SMIM14: variants seen among roughly 807,000 people sequenced by gnomAD.
SMIM14 encodes the protein small integral membrane protein 14.
In SMIM14, 5 loss-of-function variants were observed where a neutral mutation model predicts 12.6. The observed-to-expected ratio is 0.40, with a 90% CI of 0.21 to 0.83. The LOEUF (loss-of-function observed/expected upper bound fraction) is 0.83. Among genes scored for constraint, SMIM14 ranks in the 40% least tolerant of loss-of-function variants. The pLI is 0.37. For synonymous variants in SMIM14, 30 were observed against 40.1 expected (o/e 0.75, Z 0.95); for missense variants, 86 against 119.1 (o/e 0.72, Z 1.29).
At chr4:39,603,192 T>C (rs925151437) in intron 2 of SMIM14, among the ~76,000 whole-genome samples, 6 of 152,190 alleles carry the variant, frequency 3.9e-5, no homozygotes, top group South Asian at 4.1e-4. Flanking sequence ...ACTCAACCAG[T>C]ATAATGTGTA....
intron 2 of SMIM14, among the ~76,000 whole-genome samples, chr4:39,601,203 C>G (rs1714598557): frequency 6.6e-6 from 1 of 152,074 alleles, no homozygotes; most frequent in Non-Finnish European, 1.5e-5. Flanking sequence ...AACCACAGCC[C>G]AGCATATAAC....
intron 2 of SMIM14, among the ~76,000 whole-genome samples, chr4:39,602,115 G>A (rs1037186839): frequency 5.3e-5 from 8 of 151,434 alleles, no homozygotes; most frequent in African/African-American, 1.9e-4. Flanking sequence ...CAGGTGTGGT[G>A]GCTGGTGCCT....
At chr4:39,569,663 G>C (rs1712778445) in intron 3 of SMIM14, among the ~76,000 whole-genome samples, 1 of 152,074 alleles carries the variant, frequency 6.6e-6, no homozygotes, top group Admixed American at 6.6e-5. Context: ...CCTGAACCTG[G>C]GTGGCGGAGG....
intron 2 of SMIM14, chr4:39,593,075 C>T (rs1714185915): frequency 6.6e-6 from 1 of 151,720 alleles, no homozygotes; most frequent in African/African-American, 2.4e-5. Context: ...CATCCTGATA[C>T]CAAAGCCGGG....
chr4:39,609,388 G>T (rs992443016), intron 1 of SMIM14, among the ~76,000 whole-genome samples: 1 of 152,126 alleles, frequency 6.6e-6, no homozygotes, highest in African/African-American at 2.4e-5. Flanking sequence ...AAACTCATCC[G>T]GAGAGTCAGG....
chr4:39,612,547 C>A (rs974940007), intron 1 of SMIM14, among the ~76,000 whole-genome samples: 1 of 152,128 alleles, frequency 6.6e-6, no homozygotes, highest in Non-Finnish European at 1.5e-5. Context: ...GACGTGTATC[C>A]CCCCAGGCCA....
At chr4:39,572,041 C>T (rs1712917711) in intron 3 of SMIM14, among the ~76,000 whole-genome samples, 1 of 151,890 alleles carries the variant, frequency 6.6e-6, no homozygotes. Flanking sequence ...TGGACTCAAA[C>T]GATCCACCGG....
chr4:39,624,489 A>C (rs1421480040), intron 1 of SMIM14, among the ~76,000 whole-genome samples: 1 of 152,196 alleles, frequency 6.6e-6, no homozygotes, highest in Admixed American at 6.5e-5. Context: ...TACAAAGACA[A>C]CTTTAGAGCA....
At chr4:39,560,476 C>T (rs1712248104) in intron 3 of SMIM14, among the ~76,000 whole-genome samples, 1 of 151,960 alleles carries the variant, frequency 6.6e-6, no homozygotes, top group Non-Finnish European at 1.5e-5. Context: ...AATCAGCCAA[C>T]ATCAATAGTT....
At chr4:39,597,869 A>AG (rs1714438738) in intron 2 of SMIM14, among the ~76,000 whole-genome samples, 1 of 152,198 alleles carries the variant, frequency 6.6e-6, no homozygotes, top group African/African-American at 2.4e-5. Flanking sequence ...ATGAACAGTT[A>AG]GGGCATACAA....
Position 39,551,289 on chromosome 4 carries a change from A to G in SMIM14, c.*837T>C, listed in dbSNP as rs1456886470. ...GGCACTCATTTTAAAAATAAATTAT[A>G]GCTTAAATTATTACTATGTGGATTA... On this transcript the variant is annotated 3_prime_UTR_variant, in exon 5 of 5. Transcript: ENST00000295958. The G allele has an allele frequency of 6.6e-6, 1 of 152,582 alleles. No individual in the cohort carries two copies. The highest frequency in any genetic ancestry group is 1.5e-5 in the Non-Finnish European group (1 of 68,050). 9.5% of individuals were successfully genotyped at this position (152,582 alleles called of 1,614,324 possible).
intron 4 of SMIM14, among the ~76,000 whole-genome samples, chr4:39,552,755 C>T (rs918609977): frequency 2.0e-5 from 3 of 152,022 alleles, no homozygotes; most frequent in Admixed American, 6.6e-5. Flanking sequence ...ATTTTTTTGA[C>T]GTGTAAATCA....
chr4:39,563,551 C>T (rs771887839), intron 3 of SMIM14, among the ~76,000 whole-genome samples: 6 of 152,212 alleles, frequency 3.9e-5, no homozygotes, highest in Non-Finnish European at 8.8e-5. Context: ...CAGTTGAATG[C>T]GAACTTGTCT....
At chr4:39,632,783 A>T (rs1247729291) in intron 1 of SMIM14, among the ~76,000 whole-genome samples, 2 of 69,900 alleles carry the variant, frequency 2.9e-5, no homozygotes, top group African/African-American at 1.1e-4. Context: ...CGTCACACAC[A>T]CACACACACA....
At chr4:39,632,818 CACACACACAAAAGA>C (rs1008142849) in intron 1 of SMIM14, among the ~76,000 whole-genome samples, 5 of 132,890 alleles carry the variant, frequency 3.8e-5, no homozygotes, top group African/African-American at 1.4e-4. Flanking sequence ...CACACACACA[CACACACACAAAAGA>C]AAAAGAAAAA....
chr4:39,556,155 C>T (rs1417893197), intron 4 of SMIM14, among the ~76,000 whole-genome samples: 1 of 147,984 alleles, frequency 6.8e-6, no homozygotes, highest in African/African-American at 2.6e-5. Context: ...ACAGCAAGAC[C>T]CTGTCTGAAA....
intron 4 of SMIM14, among the ~76,000 whole-genome samples, chr4:39,553,751 G>C (rs1220380763): frequency 6.6e-6 from 1 of 151,878 alleles, no homozygotes; most frequent in Admixed American, 6.6e-5. Context: ...GCGCCACCAT[G>C]CCTGGCTAAT....
chr4:39,631,475 G>T (rs1033437128), intron 1 of SMIM14, among the ~76,000 whole-genome samples: 12 of 149,324 alleles, frequency 8.0e-5, no homozygotes, highest in Non-Finnish European at 1.5e-4. Flanking sequence ...TGGCTAACAT[G>T]GTGAAACTCC....
At chr4:39,602,931 C>A (rs1256674114) in intron 2 of SMIM14, among the ~76,000 whole-genome samples, 1 of 152,132 alleles carries the variant, frequency 6.6e-6, no homozygotes, top group African/African-American at 2.4e-5. Context: ...TTGTACGTAC[C>A]TTTATTAACT....
Sources: allele counts gnomAD v4.1 joint callset (sites outside exome capture counted in the v4.1 genomes callset), GRCh38; gene constraint gnomAD v4.1.1; transcripts MANE v1.5; gene names NCBI Gene and HGNC (gene_info 2026-07-23, HGNC 2026-07-21).